The following MAP4K5 variants were observed in gnomAD, a reference collection of about 807,000 sequenced individuals.
The protein encoded by MAP4K5 is mitogen-activated protein kinase kinase kinase kinase 5.
A neutral mutation model predicts 135.6 loss-of-function variants in MAP4K5; 82 were observed. The observed-to-expected ratio is 0.60, with a 90% confidence interval of 0.51 to 0.73. The LOEUF (loss-of-function observed/expected upper bound fraction) is 0.73, where lower values mean the gene tolerates loss of function less well. MAP4K5 is among the 30% of genes least tolerant of loss of function. MAP4K5 has a pLI of 0.00. For synonymous variants in MAP4K5, 347 were observed against 335.0 expected, an observed-to-expected ratio of 1.04 and a Z score of -0.39; for missense variants, 907 against 1,010.9, an observed-to-expected ratio of 0.90 and a Z score of 1.39.
At chr14:50,468,501 C>T (rs756222688) in intron 10 of MAP4K5, 150 bp downstream of exon 10, 2 of 715,284 alleles carry the variant, frequency 2.8e-6, no homozygotes, top group Admixed American at 2.9e-5. Flanking sequence ...GACTAGCCCA[C>T]AATAGGTTTT....
chr14:50,457,968 C>A (rs566005150), intron 13 of MAP4K5, among the ~76,000 whole-genome samples: 2 of 152,122 alleles, frequency 1.3e-5, no homozygotes, highest in Non-Finnish European at 1.5e-5. Flanking sequence ...GTTACCTTTG[C>A]GTTTACACAT....
At chr14:50,483,828 C>T (rs1273447331) in intron 5 of MAP4K5, among the ~76,000 whole-genome samples, 1 of 146,140 alleles carries the variant, frequency 6.8e-6, no homozygotes, top group African/African-American at 2.6e-5. Context: ...ACAGAAAAGA[C>T]AGCAATTCCA....
At chr14:50,559,979 G>A in intron 1 of MAP4K5, 1 of 500,480 alleles carries the variant, frequency 2.0e-6, no homozygotes, top group Admixed American at 3.3e-5. Flanking sequence ...AAATGTTGCG[G>A]TACGTGGTCT....
chr14:50,518,403 C>T (rs1347069092), intron 2 of MAP4K5, among the ~76,000 whole-genome samples: 1 of 152,176 alleles, frequency 6.6e-6, no homozygotes, highest in Non-Finnish European at 1.5e-5. Context: ...TCACCCCCCA[C>T]CACCAACAAG....
rs1355976193 is a variant in MAP4K5, at chr14:50,486,190, A to G, written c.171T>C (p.Asp57=). 5 of 1,130,106 alleles carry G rather than the reference A, an allele frequency of 4.4e-6. No homozygotes were observed. The highest frequency in any genetic ancestry group is 5.1e-6 in the Non-Finnish European group (4 of 785,998). 70.0% of individuals were successfully genotyped at this position (1,130,106 alleles called of 1,614,324 possible). A position where few individuals can be genotyped will look rare whatever the true frequency, so the allele number is the denominator to read the frequency against. The change falls in exon 4 of 33, where the codon GAT becomes GAC. Residue 57 remains aspartate, a synonymous_variant. Coordinates refer to ENST00000682126, the MANE Select transcript of MAP4K5 (RefSeq NM_006575.6). ...TTTCTTGTTGAATCAAAGAAAAATC[A>G]TCTCCTGGAAAACAAAATAAGTTGT... ...AVKIIKLEPG[D]DFSLIQQEIF... is the part of the protein sequence containing the mutation.
intron 2 of MAP4K5, among the ~76,000 whole-genome samples, chr14:50,529,726 AG>A (rs2038345893): frequency 6.6e-6 from 1 of 152,182 alleles, no homozygotes; most frequent in African/African-American, 2.4e-5. Context: ...GAAAAAAAGG[AG>A]GAAGGGAGCA....
intron 9 of MAP4K5, among the ~76,000 whole-genome samples, chr14:50,471,387 G>T (rs1159647391): frequency 6.6e-6 from 1 of 152,104 alleles, no homozygotes; most frequent in Admixed American, 6.5e-5. Context: ...GGGGTTGCAT[G>T]CCCCTAGCCA....
chr14:50,429,077 A>G (rs1039555353), intron 29 of MAP4K5, 115 bp downstream of exon 29: 10 of 671,700 alleles, frequency 1.5e-5, no homozygotes, highest in Admixed American at 9.6e-5. Context: ...CAAATTACAC[A>G]TGATAAGTAA....
At chr14:50,437,760 C>T in intron 25 of MAP4K5, 134 bp downstream of exon 25, 1 of 682,550 alleles carries the variant, frequency 1.5e-6, no homozygotes, top group Non-Finnish European at 2.5e-6. Context: ...TCAGCTTTTC[C>T]AGATATAATA....
At chr14:50,483,846 ATTTATTT>A (rs1193074076) in intron 5 of MAP4K5, among the ~76,000 whole-genome samples, 1 of 135,422 alleles carries the variant, frequency 7.4e-6, no homozygotes, top group East Asian at 2.0e-4. Context: ...CCATTTATTT[ATTTATTT>A]ATTTATTTAT....
At chr14:50,554,686 A>G (rs2038743842) in intron 1 of MAP4K5, among the ~76,000 whole-genome samples, 1 of 152,216 alleles carries the variant, frequency 6.6e-6, no homozygotes, top group African/African-American at 2.4e-5. Flanking sequence ...CACAGTAGGC[A>G]AAGAAGTTAC....
intron 10 of MAP4K5, among the ~76,000 whole-genome samples, 163 bp from the exon 11 acceptor site, chr14:50,466,808 T>C (rs951746915): frequency 6.6e-6 from 1 of 152,184 alleles, no homozygotes; most frequent in Non-Finnish European, 1.5e-5. Flanking sequence ...TAGATAGCTT[T>C]CAAAAAATTT....
Position 50,462,725 on chromosome 14 carries a change from G to T in MAP4K5, c.876C>A (p.Asp292Glu), listed in dbSNP as rs2036739230. Reference sequence around the variant, plus strand: ...CGTGGTTATCTGGATTGTTCACTTTGTCTAACAGTTCAACTGCTAGGGCTC... The same window carrying T: ...CGTGGTTATCTGGATTGTTCACTTTTTCTAACAGTTCAACTGCTAGGGCTC... ...LSRALAVELL[D>E]KVNNPDNHAH... Residue 292 changes from aspartate to glutamate, a missense_variant, in exon 13 of 33, where the codon GAC becomes GAA. Around this residue, in one of 3 missense-constraint regions of MAP4K5, gnomAD observed 690 missense variants for 777.4 expected, o/e 0.89. Coordinates refer to ENST00000682126, the MANE Select transcript of MAP4K5 (RefSeq NM_006575.6). 2.5e-6 allele frequency: 4 copies of T among 1,604,500 alleles called. No homozygotes were observed. Among genetic ancestry groups the T allele is most frequent in the African/African-American group, 2.7e-5 (2 of 74,090 alleles).
At chr14:50,437,372 T>A in intron 26 of MAP4K5, 104 bp downstream of exon 26, 1 of 886,880 alleles carries the variant, frequency 1.1e-6, no homozygotes, top group Non-Finnish European at 1.7e-6. Flanking sequence ...ACACAAATTT[T>A]AAAAACCTAC....
At chr14:50,460,874 T>TG (rs57164934) in intron 13 of MAP4K5, among the ~76,000 whole-genome samples, 11,895 of 152,246 alleles carry the variant, frequency 0.078, 487 homozygotes, top group African/African-American at 0.11. Flanking sequence ...CATATGATGC[T>TG]GGGCAAATTA....
At chr14:50,466,890 G>A (rs2036845329) in intron 10 of MAP4K5, among the ~76,000 whole-genome samples, 1 of 152,018 alleles carries the variant, frequency 6.6e-6, no homozygotes, top group South Asian at 2.1e-4. Context: ...CCAAATATTG[G>A]AAAAGAGTTT....
At chr14:50,426,396 A>G (rs1217882702) in intron 30 of MAP4K5, among the ~76,000 whole-genome samples, 2 of 152,200 alleles carry the variant, frequency 1.3e-5, no homozygotes, top group African/African-American at 4.8e-5. Context: ...AGCATTTTTT[A>G]TGTTCATATT....
intron 3 of MAP4K5, among the ~76,000 whole-genome samples, chr14:50,492,764 T>C (rs569549887): frequency 6.6e-6 from 1 of 152,292 alleles, no homozygotes; most frequent in South Asian, 2.1e-4. Flanking sequence ...CCTATATAGG[T>C]ATCAATAATG....
At chr14:50,490,159 G>T (rs11844437) in intron 3 of MAP4K5, among the ~76,000 whole-genome samples, 2 of 137,922 alleles carry the variant, frequency 1.5e-5, no homozygotes, top group African/African-American at 5.3e-5. Flanking sequence ...GTGTGTGTGT[G>T]TAAGGGAACT....
Sources: allele counts gnomAD v4.1 joint callset (sites outside exome capture counted in the v4.1 genomes callset), GRCh38; gene constraint gnomAD v4.1.1; regional missense constraint gnomAD v4.1.1; transcripts MANE v1.5; gene names NCBI Gene and HGNC (gene_info 2026-07-23, HGNC 2026-07-21).